MTMR6: variants seen among roughly 807,000 people sequenced by gnomAD.
MTMR6 encodes phosphatidylinositol-3,5-bisphosphate 3-phosphatase MTMR6.
In MTMR6, 47 loss-of-function variants were observed where a neutral mutation model predicts 80.1. The observed-to-expected ratio is 0.59, with a 90% confidence interval of 0.46 to 0.75. The LOEUF is 0.75. MTMR6 is among the 30% of genes least tolerant of loss of function. The pLI is 0.00. For missense variants in MTMR6, 629 were observed against 730.9 expected (o/e 0.86, Z 1.61); for synonymous variants, 254 against 253.0 (o/e 1.00, Z -0.04).
At chr13:25,254,252 T>A in intron 10 of MTMR6, 133 bp downstream of exon 10, 1 of 731,604 alleles carries the variant, frequency 1.4e-6, no homozygotes, top group Non-Finnish European at 2.3e-6. Context: ...TGTCTTTACG[T>A]AAAATACAGT....
intron 2 of MTMR6, among the ~76,000 whole-genome samples, chr13:25,270,528 C>T (rs74528318): frequency 0.044 from 6,704 of 152,154 alleles, 300 homozygotes; most frequent in South Asian, 0.13. Context: ...TATATCTCTA[C>T]GAGATGGATA....
rs750485990 is a variant in MTMR6, at chr13:25,258,582, G to A, written c.837C>T (p.Ser279=). 11 of 1,593,156 alleles carry A rather than the reference G, an allele frequency of 6.9e-6. No homozygotes were observed. The Admixed American group carries it at 2.0e-4, about 30-fold the overall frequency. ...TACCTTCCAATAATTTCTGAAGGCT[G>A]GACCTCATGACATGAATATTTTCAA... ...VGIENIHVMR[S]SLQKLLEVNG... The change falls in exon 7 of 14, where the codon TCC becomes TCT. Residue 279 remains serine, a synonymous_variant. Coordinates refer to ENST00000381801, the MANE Select transcript of MTMR6 (RefSeq NM_004685.5).
intron 9 of MTMR6, among the ~76,000 whole-genome samples, chr13:25,256,969 T>C (rs1276772371): frequency 6.6e-6 from 1 of 152,212 alleles, no homozygotes; most frequent in East Asian, 1.9e-4. Flanking sequence ...ACCTCGACAG[T>C]ACTGACATTA....
chr13:25,276,904 C>T (rs1957739006), intron 1 of MTMR6, among the ~76,000 whole-genome samples: 1 of 152,154 alleles, frequency 6.6e-6, no homozygotes, highest in Admixed American at 6.5e-5. Context: ...GTACTGTCCC[C>T]ACAGAAACTG....
At position 25,274,061 on chromosome 13, in the gene MTMR6, TC is replaced by T. The variant is rs1957645926; in HGVS notation, c.141+9del. 2 of 1,473,198 alleles carry T rather than the reference TC, an allele frequency of 1.4e-6. No individual in the cohort carries two copies. The highest frequency in any genetic ancestry group is 1.9e-6 in the Non-Finnish European group (2 of 1,059,914). The allele number at this position is 1,473,198 out of a possible 1,614,324, so 91.3% of individuals were successfully genotyped here. ...ATTATGATAAATAGTACAGCTGCGGTCCTCCTTACCCAGGTTTCTTTTTGAT... is the reference window on the plus strand; with the variant it reads ...ATTATGATAAATAGTACAGCTGCGGTCTCCTTACCCAGGTTTCTTTTTGAT... On this transcript the variant is annotated intron_variant, in intron 2 of 13. Coordinates refer to ENST00000381801, the MANE Select transcript of MTMR6 (RefSeq NM_004685.5).
chr13:25,259,745 G>C (rs994736606), intron 6 of MTMR6, among the ~76,000 whole-genome samples: 1 of 151,820 alleles, frequency 6.6e-6, no homozygotes, highest in Non-Finnish European at 1.5e-5. Context: ...TATTACAATC[G>C]CCTTTTATAT....
chr13:25,250,165 G>A (rs945039001), intron 13 of MTMR6, among the ~76,000 whole-genome samples: 3 of 152,110 alleles, frequency 2.0e-5, no homozygotes, highest in Admixed American at 6.5e-5. Flanking sequence ...AGAGGTAGAT[G>A]AGACAGTCTT....
rs201224288 is a variant in MTMR6, at chr13:25,249,328, C to G, written c.1770G>C (p.Pro590=). 1.9e-6 allele frequency: 3 copies of G among 1,614,052 alleles called. No homozygotes were observed. The highest frequency in any genetic ancestry group is 1.3e-5 in the African/African-American group (1 of 75,040). Reference sequence around the variant, plus strand: ...CATATTCACTATAACGATTATCTGCCGGGCTGCTGCCCTCTATAGTTCGAA... The same window carrying G: ...CATATTCACTATAACGATTATCTGCGGGGCTGCTGCCCTCTATAGTTCGAA... ...DALRTIEGSS[P]ADNRYSEYAE... Residue 590 remains proline (P), a synonymous_variant, in exon 14 of 14, where the codon CCG becomes CCC. Coordinates refer to ENST00000381801, the MANE Select transcript of MTMR6 (RefSeq NM_004685.5).
intron 3 of MTMR6, among the ~76,000 whole-genome samples, chr13:25,266,700 T>C (rs1957462228): frequency 6.6e-6 from 1 of 152,330 alleles, no homozygotes; most frequent in Non-Finnish European, 1.5e-5. Context: ...TACATCCCTA[T>C]AGGACACTGT....
chr13:25,274,254 G>T (rs187810493), intron 1 of MTMR6, 67 bp from the exon 2 acceptor site: 2 of 999,502 alleles, frequency 2.0e-6, no homozygotes, highest in South Asian at 3.1e-5. Context: ...GTTAGCCCAG[G>T]ACTTACATGC....
chr13:25,287,210 C>G lies in MTMR6; in HGVS notation c.24+14G>C, dbSNP rs1040350679. The G allele has an allele frequency of 6.3e-7, 1 of 1,594,906 alleles. No homozygotes were observed. The highest frequency in any genetic ancestry group is 1.7e-5 in the Admixed American group (1 of 58,696). ...GCAGGGCCCCTGAAGACTGGCGATC[C>G]CGCGCCCGACTACCTTGGTCGTCCG... On this transcript the variant is annotated intron_variant, in intron 1 of 13. Coordinates refer to ENST00000381801, the MANE Select transcript of MTMR6 (RefSeq NM_004685.5).
intron 8 of MTMR6, 78 bp downstream of exon 8, chr13:25,257,658 C>T: frequency 9.8e-7 from 1 of 1,016,894 alleles, no homozygotes; most frequent in Non-Finnish European, 1.5e-6. Flanking sequence ...TGAATAGATA[C>T]CAGCCCCCAA....
In MTMR6 at chr13:25,258,833, C is replaced by T. The variant is rs1957272958; in HGVS notation, c.727-141G>A. The T allele has an allele frequency of 2.0e-5, 12 of 608,966 alleles. No individual in the cohort carries two copies. In the South Asian group the frequency reaches 2.6e-4, roughly 13 times the overall value. The allele number at this position is 608,966 out of a possible 1,614,324, so 37.7% of individuals were successfully genotyped here. On this transcript the variant is annotated intron_variant, in intron 6 of 13. Coordinates refer to ENST00000381801, the MANE Select transcript of MTMR6 (RefSeq NM_004685.5). ...CAAAACTGAATAAGCTACCATTCATCTTTTAGTAAGTAAAAATGCCACATT... is the reference window on the plus strand; with the variant it reads ...CAAAACTGAATAAGCTACCATTCATTTTTTAGTAAGTAAAAATGCCACATT...
intron 5 of MTMR6, among the ~76,000 whole-genome samples, chr13:25,265,572 T>C (rs1957436919): frequency 6.6e-6 from 1 of 151,868 alleles, no homozygotes; most frequent in Non-Finnish European, 1.5e-5. Flanking sequence ...CAAAACCTCG[T>C]CTCTACTAAA....
At position 25,257,298 on chromosome 13, in the gene MTMR6, A is replaced by T. The variant is rs1443344746; in HGVS notation, c.993T>A (p.Ser331Arg). 2 of 1,613,808 alleles carry T rather than the reference A, an allele frequency of 1.2e-6. No homozygotes were observed. Among genetic ancestry groups the T allele is most frequent in the South Asian group, 1.1e-5 (1 of 91,042 alleles). Residue 331 changes from serine (S) to arginine (R), a missense_variant, in exon 9 of 14, where the codon AGT (serine) becomes AGA (arginine). By Grantham distance (110) the Ser-to-Arg change is moderately radical (BLOSUM62 -1). Transcript: ENST00000381801. ...LAKAITVENA[S>R]VLVHCSDGWD... ...AACCATCGGAACAATGCACCAACACACTTGCATTTTCAACTGTTATTGCCT... is the reference window on the plus strand; with the variant it reads ...AACCATCGGAACAATGCACCAACACTCTTGCATTTTCAACTGTTATTGCCT...
Position 25,287,459 on chromosome 13 carries a change from G to A in MTMR6, c.-212C>T. ...TCCCCAAACCCCGCGGCCTCCCGGG[G>A]GACTCGGGGCAGGCAGACAGAGCGT... is the stretch of plus-strand genomic sequence containing the variant. On this transcript the variant is annotated 5_prime_UTR_variant, in exon 1 of 14. Coordinates refer to ENST00000381801, the MANE Select transcript of MTMR6 (RefSeq NM_004685.5). 1 of 617,234 alleles carries A rather than the reference G, an allele frequency of 1.6e-6. No individual in the cohort carries two copies. 38.2% of individuals were successfully genotyped at this position (617,234 alleles called of 1,614,324 possible).
At chr13:25,260,599 A>G in intron 6 of MTMR6, 9 of 1,285,946 alleles carry the variant, frequency 7.0e-6, no homozygotes, top group Non-Finnish European at 9.1e-6. Flanking sequence ...GCTTTCTCTT[A>G]TTTTCTCATC....
In MTMR6 at chr13:25,246,257, G is replaced by A. The variant is rs1261702211; in HGVS notation, c.*2975C>T. On this transcript the variant is annotated 3_prime_UTR_variant, in exon 14 of 14. Coordinates refer to ENST00000381801, the MANE Select transcript of MTMR6 (RefSeq NM_004685.5). Reference sequence around the variant, plus strand: ...CAAATACTGTTTATTAAAATGTCAAGGTTTCATGTTTACATTTTCTTATAT... The same window carrying A: ...CAAATACTGTTTATTAAAATGTCAAAGTTTCATGTTTACATTTTCTTATAT... The A allele has an allele frequency of 6.6e-6, 1 of 152,442 alleles. No individual in the cohort carries two copies. Among genetic ancestry groups the A allele is most frequent in the Non-Finnish European group, 1.5e-5 (1 of 67,992 alleles). The allele number at this position is 152,442 out of a possible 1,614,324, so 9.4% of individuals were successfully genotyped here.
intron 2 of MTMR6, among the ~76,000 whole-genome samples, chr13:25,270,890 C>A (rs2137587207): frequency 6.6e-6 from 1 of 152,238 alleles, no homozygotes; most frequent in African/African-American, 2.4e-5. Context: ...GCATAATTGA[C>A]CTCTAATCTT....
Sources: gnomAD v4.1 joint callset for allele counts (sites outside exome capture counted in the v4.1 genomes callset) on GRCh38, gnomAD v4.1.1 for gene constraint, MANE v1.5 for transcripts, NCBI Gene and HGNC (gene_info 2026-07-23, HGNC 2026-07-21) for gene names.